The following CPNE8 variants were observed in gnomAD, a reference collection of about 807,000 sequenced individuals.
CPNE8 encodes copine-8.
Under a neutral mutation model 81.5 loss-of-function variants are expected in CPNE8, and 45 were observed. The observed-to-expected ratio is 0.55, with a 90% CI of 0.44 to 0.71. CPNE8 has a LOEUF of 0.71. Ranked by LOEUF, CPNE8 falls within the 30% of genes least tolerant of loss-of-function variation. The pLI is 0.00. For synonymous variants in CPNE8, 252 were observed against 226.3 expected (o/e 1.11, Z -1.02); for missense variants, 594 against 672.1 (o/e 0.88, Z 1.28).
At chr12:38,729,292 A>G (rs994671541) in intron 11 of CPNE8, among the ~76,000 whole-genome samples, 3 of 152,082 alleles carry the variant, frequency 2.0e-5, no homozygotes, top group Non-Finnish European at 2.9e-5. Flanking sequence ...AGCTAAACTA[A>G]TGCATAATCT....
At chr12:38,736,941 C>T (rs1940969341) in intron 10 of CPNE8, among the ~76,000 whole-genome samples, 1 of 151,934 alleles carries the variant, frequency 6.6e-6, no homozygotes, top group Admixed American at 6.6e-5. Flanking sequence ...AAAATCTTGT[C>T]CAGTTTCACG....
intron 10 of CPNE8, among the ~76,000 whole-genome samples, chr12:38,745,484 G>C (rs1246558132): frequency 1.3e-5 from 2 of 152,172 alleles, no homozygotes; most frequent in African/African-American, 4.8e-5. Context: ...GCAGTAACTA[G>C]TGTAGTGACC....
intron 6 of CPNE8, among the ~76,000 whole-genome samples, chr12:38,784,309 G>A (rs753864138): frequency 3.9e-5 from 6 of 152,112 alleles, no homozygotes; most frequent in South Asian, 2.1e-4. Context: ...TTTGAAAACG[G>A]ACATTCAGAG....
chr12:38,847,407 C>A (rs1005386270), intron 4 of CPNE8, among the ~76,000 whole-genome samples: 6 of 152,158 alleles, frequency 3.9e-5, no homozygotes, highest in African/African-American at 1.2e-4. Context: ...CAACCACATA[C>A]TACATGACTT....
intron 13 of CPNE8, among the ~76,000 whole-genome samples, chr12:38,704,379 T>C (rs905302722): frequency 6.6e-6 from 1 of 152,104 alleles, no homozygotes; most frequent in African/African-American, 2.4e-5. Context: ...TATGTATGTG[T>C]GCGTGTGTGT....
chr12:38,773,066 A>G (rs1464585192), intron 7 of CPNE8, among the ~76,000 whole-genome samples: 1 of 152,124 alleles, frequency 6.6e-6, no homozygotes, highest in Admixed American at 6.5e-5. Context: ...CCATAAAAAG[A>G]TAAATACTAC....
intron 4 of CPNE8, among the ~76,000 whole-genome samples, chr12:38,846,996 G>A (rs1943568871): frequency 6.6e-6 from 1 of 151,748 alleles, no homozygotes; most frequent in African/African-American, 2.4e-5. Context: ...CAAAATACAA[G>A]GTAAAGGAAA....
At chr12:38,748,963 G>A (rs1941297430) in intron 10 of CPNE8, among the ~76,000 whole-genome samples, 1 of 152,074 alleles carries the variant, frequency 6.6e-6, no homozygotes, top group East Asian at 1.9e-4. Context: ...TATATATTAA[G>A]TTATATGTTT....
At chr12:38,797,083 C>T (rs927952689) in intron 6 of CPNE8, among the ~76,000 whole-genome samples, 3 of 152,176 alleles carry the variant, frequency 2.0e-5, no homozygotes, top group Non-Finnish European at 4.4e-5. Flanking sequence ...CTCAAGGAGG[C>T]CTGCCTGCCT....
chr12:38,675,697 A>G lies in CPNE8; in HGVS notation c.1432+20T>C. On this transcript the variant is annotated intron_variant, in intron 18 of 19. Transcript: ENST00000331366. ...ATTAAATGAACTCCCAAGGAATATT[A>G]TTGAAATTTTACTACTCACCATCAA... 2 of 1,498,218 alleles carry G rather than the reference A, an allele frequency of 1.3e-6. No individual in the cohort carries two copies. The highest frequency in any genetic ancestry group is 9.3e-7 in the Non-Finnish European group (1 of 1,075,588). 92.8% of individuals were successfully genotyped at this position (1,498,218 alleles called of 1,614,324 possible). A position where few individuals can be genotyped will look rare whatever the true frequency, so the allele number is the denominator to read the frequency against.
At chr12:38,772,947 A>G (rs1054467553) in intron 7 of CPNE8, among the ~76,000 whole-genome samples, 37 of 152,124 alleles carry the variant, frequency 2.4e-4, no homozygotes, top group Non-Finnish European at 2.9e-4. Flanking sequence ...ACACACACAT[A>G]TATATGTAAA....
intron 6 of CPNE8, 133 bp downstream of exon 6, chr12:38,829,246 T>C (rs1943247315): frequency 1.6e-6 from 1 of 626,374 alleles, no homozygotes; most frequent in East Asian, 2.5e-5. Flanking sequence ...CAAAATTATT[T>C]GTTAAAAGAA....
At chr12:38,684,396 G>T (rs1483833587) in intron 16 of CPNE8, among the ~76,000 whole-genome samples, 1 of 151,918 alleles carries the variant, frequency 6.6e-6, no homozygotes, top group Non-Finnish European at 1.5e-5. Flanking sequence ...CTTTTTTGGG[G>T]GGTTGTGTAT....
At chr12:38,836,838 C>A (rs1247588669) in intron 5 of CPNE8, among the ~76,000 whole-genome samples, 1 of 152,128 alleles carries the variant, frequency 6.6e-6, no homozygotes, top group Non-Finnish European at 1.5e-5. Context: ...TACCTAAAAT[C>A]TGTACTTGTA....
chr12:38,810,474 G>C (rs1390451673), intron 6 of CPNE8, among the ~76,000 whole-genome samples: 1 of 152,114 alleles, frequency 6.6e-6, no homozygotes, highest in East Asian at 1.9e-4. Flanking sequence ...TCATTTGAGA[G>C]TCTTCGGCCA....
chr12:38,769,235 T>A (rs1328522449), intron 7 of CPNE8, among the ~76,000 whole-genome samples: 2 of 152,184 alleles, frequency 1.3e-5, no homozygotes, highest in African/African-American at 4.8e-5. Context: ...ATTTTACTTG[T>A]AGCATGTAGC....
chr12:38,678,358 C>T (rs940879156), intron 16 of CPNE8, among the ~76,000 whole-genome samples: 1 of 151,684 alleles, frequency 6.6e-6, no homozygotes, highest in Admixed American at 6.6e-5. Context: ...TTCTCTTTTC[C>T]TTTAGTTTTC....
intron 5 of CPNE8, among the ~76,000 whole-genome samples, chr12:38,830,378 C>T (rs1943265670): frequency 6.6e-6 from 1 of 152,080 alleles, no homozygotes; most frequent in Admixed American, 6.6e-5. Context: ...AAGACAAACT[C>T]TGATGTTCTG....
At chr12:38,842,023 T>C (rs1173931030) in intron 4 of CPNE8, among the ~76,000 whole-genome samples, 1 of 144,002 alleles carries the variant, frequency 6.9e-6, no homozygotes, top group Non-Finnish European at 1.6e-5. Context: ...TAATTAAATT[T>C]TACAATAGCA....
Sources: allele counts gnomAD v4.1 joint callset (sites outside exome capture counted in the v4.1 genomes callset), GRCh38; gene constraint gnomAD v4.1.1; transcripts MANE v1.5; gene names NCBI Gene and HGNC (gene_info 2026-07-23, HGNC 2026-07-21).